GAK: variants seen among roughly 807,000 people sequenced by gnomAD.
The protein encoded by GAK is cyclin-G-associated kinase.
Under a neutral mutation model 143.9 loss-of-function variants are expected in GAK, and 79 were observed. The ratio of observed to expected loss-of-function variants is 0.55; its 90% confidence interval spans 0.46 to 0.66. The LOEUF (loss-of-function observed/expected upper bound fraction) is 0.66, where lower values mean the gene tolerates loss of function less well. Ranked by LOEUF, GAK falls within the 30% of genes least tolerant of loss-of-function variation. The pLI is 0.00. For missense variants in GAK, 1,693 were observed against 1,779.7 expected, an observed-to-expected ratio of 0.95 and a Z score of 0.88; for synonymous variants, 881 against 765.5, an observed-to-expected ratio of 1.15 and a Z score of -2.49.
chr4:880,893 G>A (rs1714964754), intron 15 of GAK, among the ~76,000 whole-genome samples: 2 of 152,278 alleles, frequency 1.3e-5, no homozygotes, highest in South Asian at 4.1e-4. Flanking sequence ...GTTCTCAGAC[G>A]CCCCCTGCTG....
chr4:912,063 G>T, intron 3 of GAK: 1 of 482,276 alleles, frequency 2.1e-6, no homozygotes, highest in Non-Finnish European at 4.1e-6. Context: ...CATCCCGCGC[G>T]TGGCAGGAGG....
At chr4:857,306 G>C (rs943889082) in intron 24 of GAK, among the ~76,000 whole-genome samples, 1 of 152,126 alleles carries the variant, frequency 6.6e-6, no homozygotes, top group African/African-American at 2.4e-5. Flanking sequence ...TCTGATTTTG[G>C]TATCAGGGTG....
Position 904,055 on chromosome 4 carries a change from C to A in GAK, c.525+582G>T, listed in dbSNP as rs560913586. ...AGGTGAGATGGTGTAGCCTCACCTGCTCTCACCCCTGCATCCTAACTGAGC... is the reference window on the plus strand; with the variant it reads ...AGGTGAGATGGTGTAGCCTCACCTGATCTCACCCCTGCATCCTAACTGAGC... On this transcript the variant is annotated intron_variant, in intron 5 of 27. Transcript: ENST00000314167. 5.9e-5 allele frequency among the ~76,000 whole-genome samples: 9 copies of A among 152,412 alleles called. No homozygotes were observed. The South Asian group carries it at 1.9e-3, about 32-fold the overall frequency.
At chr4:884,650 T>C (rs1715896276) in intron 11 of GAK, among the ~76,000 whole-genome samples, 1 of 152,160 alleles carries the variant, frequency 6.6e-6, no homozygotes, top group Non-Finnish European at 1.5e-5. Flanking sequence ...ACGGAATCGG[T>C]AACACAGAGA....
chr4:875,902 T>C lies in GAK; in HGVS notation c.2054+628A>G, dbSNP rs1243357804. Among the ~76,000 whole-genome samples the C allele has an allele frequency of 5.3e-5, 8 of 152,310 alleles. No homozygotes were observed. In the East Asian group the frequency reaches 7.7e-4, roughly 15 times the overall value. On this transcript the variant is annotated intron_variant, in intron 18 of 27. Transcript: ENST00000314167. ...GTTGCAGTGAGCCGAGATTGCGCCA[T>C]TGCACTCCGGCCTGGGCGTTAGAGC...
rs1356502179 is a variant in GAK at position 911,755 on chromosome 4, C to T, written c.300G>A (p.Gln100=). The change falls in exon 4 of 28, where the codon CAG becomes CAA. Residue 100 remains glutamine (Q), a synonymous_variant. Coordinates refer to ENST00000314167, the MANE Select transcript of GAK (RefSeq NM_005255.4). ...KKLSGHPNIV[Q]FCSAASIGKE... Reference sequence around the variant, plus strand: ...TTCCTATAGACGCTGCAGAACAAAACTGGACAATGTTCGGGTGGCCGGAAA... The same window carrying T: ...TTCCTATAGACGCTGCAGAACAAAATTGGACAATGTTCGGGTGGCCGGAAA... 8 of 1,613,936 alleles carry T rather than the reference C, an allele frequency of 5.0e-6. No individual in the cohort carries two copies. The highest frequency in any genetic ancestry group is 3.4e-6 in the Non-Finnish European group (4 of 1,179,948).
At chr4:900,476 TTC>T (rs1479051627) in intron 5 of GAK, among the ~76,000 whole-genome samples, 1 of 152,060 alleles carries the variant, frequency 6.6e-6, no homozygotes, top group African/African-American at 2.4e-5. Flanking sequence ...AATTCAACCC[TTC>T]TGTTTCTGTT....
At chr4:912,334 C>T (rs900201169) in intron 3 of GAK, 11 of 367,390 alleles carry the variant, frequency 3.0e-5, no homozygotes, top group Non-Finnish European at 4.9e-5. Context: ...TGAGAAGGGA[C>T]GAGAGGGGCG....
chr4:914,746 C>CACA (rs1722787329), intron 1 of GAK, among the ~76,000 whole-genome samples: 1 of 115,278 alleles, frequency 8.7e-6, no homozygotes, highest in South Asian at 3.2e-4. Flanking sequence ...GTGCAAGGCC[C>CACA]CACACACAGC....
At chr4:902,235 TAAAA>T (rs77844745) in intron 5 of GAK, among the ~76,000 whole-genome samples, 1 of 100,758 alleles carries the variant, frequency 9.9e-6, no homozygotes. Context: ...AGACTCCGCC[TAAAA>T]AAAAAAAAAA....
At chr4:857,569 G>A (rs11731387) in intron 24 of GAK, among the ~76,000 whole-genome samples, 14,329 of 152,176 alleles carry the variant, frequency 0.094, 824 homozygotes, top group South Asian at 0.18. Context: ...TCAATTTCAC[G>A]TAAGTCGTCA....
chr4:874,089 A>C (rs1427638537), intron 18 of GAK, among the ~76,000 whole-genome samples: 1 of 152,178 alleles, frequency 6.6e-6, no homozygotes. Context: ...GGAGCTCCTG[A>C]AACACATTCA....
intron 21 of GAK, among the ~76,000 whole-genome samples, 165 bp from the exon 22 acceptor site, chr4:866,699 T>G (rs1453068001): frequency 6.6e-6 from 1 of 152,136 alleles, no homozygotes; most frequent in Non-Finnish European, 1.5e-5. Flanking sequence ...GGGCTCCCCG[T>G]GCCCCACGCC....
chr4:912,650 T>C, intron 3 of GAK, 85 bp downstream of exon 3: 1 of 1,076,572 alleles, frequency 9.3e-7, no homozygotes, highest in Non-Finnish European at 1.4e-6. Flanking sequence ...CGGAGCAGCC[T>C]CTTGGCCACT....
intron 9 of GAK, among the ~76,000 whole-genome samples, chr4:891,268 CTTTTTTT>C (rs773128359): frequency 5.6e-5 from 8 of 142,396 alleles, no homozygotes; most frequent in East Asian, 2.0e-4. Context: ...GGCTTTTTTT[CTTTTTTT>C]TTTTTTTGAA....
intron 11 of GAK, chr4:886,201 T>C (rs1429445209): frequency 6.6e-6 from 1 of 152,244 alleles, no homozygotes; most frequent in Non-Finnish European, 1.5e-5. Context: ...AGGGCTGCCC[T>C]CAGCTGGAAC....
intron 4 of GAK, among the ~76,000 whole-genome samples, chr4:905,355 G>A (rs17165156): frequency 0.037 from 5,682 of 152,276 alleles, 152 homozygotes; most frequent in East Asian, 0.14. Context: ...TTGCAGTCAC[G>A]ACTCTCTACG....
intron 24 of GAK, among the ~76,000 whole-genome samples, chr4:856,821 C>T (rs1365439224): frequency 6.6e-6 from 1 of 152,256 alleles, no homozygotes. Flanking sequence ...GGAAATCCTC[C>T]CACGTTGGCC....
chr4:922,916 G>A lies in GAK; in HGVS notation c.145+9127C>T, dbSNP rs541256367. On this transcript the variant is annotated intron_variant, in intron 1 of 27. Transcript: ENST00000314167. Reference sequence around the variant, plus strand: ...AAACAGCCCAGATGTCCTTCCACGGGTGGCTGGCTGGGCAAGCCGTGCACA... The same window carrying A: ...AAACAGCCCAGATGTCCTTCCACGGATGGCTGGCTGGGCAAGCCGTGCACA... Among the ~76,000 whole-genome samples the A allele has an allele frequency of 3.3e-5, 5 of 152,298 alleles. No homozygotes were observed. The East Asian group carries it at 9.6e-4, about 29-fold the overall frequency.
Sources: allele counts gnomAD v4.1 joint callset (sites outside exome capture counted in the v4.1 genomes callset), GRCh38; gene constraint gnomAD v4.1.1; transcripts MANE v1.5; gene names NCBI Gene and HGNC (gene_info 2026-07-23, HGNC 2026-07-21).